The following UGGT2 variants were observed in gnomAD, a reference collection of about 807,000 sequenced individuals.
UGGT2 encodes UDP-glucose:glycoprotein glucosyltransferase 2.
UGGT2 carries 180 observed loss-of-function variants against 192.1 expected under a neutral mutation model. That is an observed-to-expected ratio of 0.94 (90% CI 0.83 to 1.06). The LOEUF is 1.06. Ranked by LOEUF, UGGT2 falls within the 50% of genes least tolerant of loss-of-function variation. UGGT2 has a pLI of 0.00. For synonymous variants in UGGT2, 580 were observed against 591.0 expected (o/e 0.98, Z 0.27); for missense variants, 1,849 against 1,795.7 (o/e 1.03, Z -0.54).
chr13:96,030,814 C>T (rs773892297), intron 2 of UGGT2, among the ~76,000 whole-genome samples: 4 of 151,870 alleles, frequency 2.6e-5, no homozygotes, highest in South Asian at 4.2e-4. Flanking sequence ...GGAAGATATA[C>T]GTATATATAG....
At chr13:95,960,981 G>A (rs565559104) in intron 12 of UGGT2, among the ~76,000 whole-genome samples, 1 of 152,238 alleles carries the variant, frequency 6.6e-6, no homozygotes, top group Middle Eastern at 3.4e-3. Flanking sequence ...TCCCAGACAA[G>A]CAAAAGCTGA....
chr13:96,024,949 T>C (rs1027354070), intron 2 of UGGT2, among the ~76,000 whole-genome samples: 1 of 152,320 alleles, frequency 6.6e-6, no homozygotes, highest in South Asian at 2.1e-4. Context: ...CCGAAAGTGC[T>C]GGGCCCTTGA....
At chr13:95,877,645 CAG>C (rs1399329097) in intron 28 of UGGT2, 51 bp downstream of exon 28, 2 of 1,554,106 alleles carry the variant, frequency 1.3e-6, no homozygotes, top group East Asian at 2.3e-5. Context: ...CTTAGGAAAA[CAG>C]AGAATTCACC....
In UGGT2 at chr13:95,990,215, C is replaced by T. The variant is rs1594522250; in HGVS notation, c.831-142G>A. On this transcript the variant is annotated intron_variant, in intron 7 of 38. Coordinates refer to ENST00000376747, the MANE Select transcript of UGGT2 (RefSeq NM_020121.4). ...ATTAAGATAATCATAAATTGTGATA[C>T]AGCTATATTCACGGAACTTAAAAAT... 12 of 465,530 alleles carry T rather than the reference C, an allele frequency of 2.6e-5. No homozygotes were observed. In the East Asian group the frequency reaches 2.8e-4, roughly 11 times the overall value. The allele number at this position is 465,530 out of a possible 1,614,324, so 28.8% of individuals were successfully genotyped here. A position where few individuals can be genotyped will look rare whatever the true frequency, so the allele number is the denominator to read the frequency against.
chr13:95,856,487 C>A, intron 33 of UGGT2, 147 bp from the exon 34 acceptor site: 1 of 680,814 alleles, frequency 1.5e-6, no homozygotes, highest in Non-Finnish European at 2.4e-6. Context: ...CTATAACATA[C>A]TTATTAATGA....
intron 36 of UGGT2, among the ~76,000 whole-genome samples, chr13:95,838,700 C>T (rs575953649): frequency 4.7e-4 from 72 of 152,106 alleles, no homozygotes; most frequent in Middle Eastern, 3.4e-3. Context: ...AAATAAAGTC[C>T]GTTAATCAAA....
Position 95,950,102 on chromosome 13 carries a change from G to T in UGGT2, c.1336-648C>A, listed in dbSNP as rs376105413. 1.3e-5 allele frequency among the ~76,000 whole-genome samples: 2 copies of T among 152,056 alleles called. 1 individual carries two copies. The highest frequency in any genetic ancestry group is 4.1e-4 in the South Asian group (2 of 4,822). On this transcript the variant is annotated intron_variant, in intron 12 of 38. Transcript: ENST00000376747. ...AGTTGGAAAGCAGAAGTCAAAGTAC[G>T]GGCTGCCAAAGTGCTGAGATTTGAG...
At chr13:96,031,809 T>G (rs1019207879) in intron 2 of UGGT2, 80 bp downstream of exon 2, 2 of 1,080,914 alleles carry the variant, frequency 1.9e-6, no homozygotes, top group Non-Finnish European at 2.7e-6. Flanking sequence ...CACTTAACCA[T>G]TACCATTAAA....
chr13:95,858,003 T>G (rs1426794831), intron 33 of UGGT2, among the ~76,000 whole-genome samples: 2 of 151,438 alleles, frequency 1.3e-5, no homozygotes, highest in Non-Finnish European at 2.9e-5. Context: ...TTTTCTGTTT[T>G]TTTTTTTTTT....
At chr13:95,838,431 G>A (rs371404848) in intron 36 of UGGT2, among the ~76,000 whole-genome samples, 14 of 152,276 alleles carry the variant, frequency 9.2e-5, no homozygotes, top group African/African-American at 3.4e-4. Flanking sequence ...AAGTTATTTT[G>A]TGGAGATTGG....
rs561144760 is a variant in UGGT2, at chr13:96,030,148, C to T, written c.241+1741G>A. Among the ~76,000 whole-genome samples the T allele has an allele frequency of 9.9e-5, 15 of 152,258 alleles. 1 individual carries two copies. The highest frequency in any genetic ancestry group is 3.6e-4 in the African/African-American group (15 of 41,548). ...CGGTCTCTTCTACTCATTTGTGTTC[C>T]CTACTCCCTGGCTAAATCTCATCAT... On this transcript the variant is annotated intron_variant, in intron 2 of 38. Coordinates refer to ENST00000376747, the MANE Select transcript of UGGT2 (RefSeq NM_020121.4).
At chr13:95,808,215 T>G (rs1884414299) in intron 38 of UGGT2, among the ~76,000 whole-genome samples, 3 of 152,196 alleles carry the variant, frequency 2.0e-5, no homozygotes, top group Admixed American at 2.0e-4. Flanking sequence ...TGCCCAGACA[T>G]TCTGTTGTAC....
chr13:95,913,840 T>C (rs1370741660), intron 20 of UGGT2, among the ~76,000 whole-genome samples: 1 of 152,220 alleles, frequency 6.6e-6, no homozygotes, highest in South Asian at 2.1e-4. Context: ...CCAACCCAAA[T>C]GTCCATCAAT....
At chr13:95,913,042 A>G (rs1182007049) in intron 20 of UGGT2, among the ~76,000 whole-genome samples, 2 of 152,230 alleles carry the variant, frequency 1.3e-5, no homozygotes, top group Non-Finnish European at 2.9e-5. Context: ...CATATGTAGA[A>G]AGCTGAAATT....
At chr13:95,936,617 ACCT>A (rs2049473390) in intron 17 of UGGT2, among the ~76,000 whole-genome samples, 1 of 151,856 alleles carries the variant, frequency 6.6e-6, no homozygotes, top group Non-Finnish European at 1.5e-5. Context: ...GAGCTGGGAA[ACCT>A]CCTTGGCTCC....
At chr13:95,950,459 A>G (rs1327323564) in intron 12 of UGGT2, among the ~76,000 whole-genome samples, 2 of 152,024 alleles carry the variant, frequency 1.3e-5, no homozygotes, top group Non-Finnish European at 2.9e-5. Context: ...AACAGAAGCA[A>G]GTGAGCATCT....
intron 1 of UGGT2, among the ~76,000 whole-genome samples, chr13:96,036,600 C>G (rs915806076): frequency 1.6e-4 from 25 of 152,166 alleles, no homozygotes; most frequent in African/African-American, 5.1e-4. Context: ...AAAAGTTATT[C>G]CCTCAATACA....
At chr13:96,037,223 G>C (rs755611928) in intron 1 of UGGT2, among the ~76,000 whole-genome samples, 19 of 152,174 alleles carry the variant, frequency 1.2e-4, no homozygotes, top group Non-Finnish European at 7.3e-5. Flanking sequence ...CCTCTAGCCA[G>C]AGTCTTGCTC....
intron 38 of UGGT2, among the ~76,000 whole-genome samples, chr13:95,810,132 CT>C (rs995968860): frequency 1.3e-5 from 2 of 152,004 alleles, no homozygotes; most frequent in South Asian, 2.1e-4. Flanking sequence ...AGCAATTCGA[CT>C]TTTTTTTGTA....
Sources: gnomAD v4.1 joint callset for allele counts (sites outside exome capture counted in the v4.1 genomes callset) on GRCh38, gnomAD v4.1.1 for gene constraint, MANE v1.5 for transcripts, NCBI Gene and HGNC (gene_info 2026-07-23, HGNC 2026-07-21) for gene names.